Variants in RPL13A observed in about 807,000 individuals in gnomAD.
RPL13A encodes large ribosomal subunit protein uL13.
Under a neutral mutation model 30.8 loss-of-function variants are expected in RPL13A, and 4 were observed. That is an observed-to-expected ratio of 0.13 (90% CI 0.06 to 0.30). RPL13A has a LOEUF of 0.30. Among genes scored for constraint, RPL13A ranks in the 10% least tolerant of loss-of-function variants. The pLI, the probability that RPL13A is intolerant of heterozygous loss-of-function variation, is 1.00. For missense variants in RPL13A, 196 were observed against 272.6 expected (o/e 0.72, Z 1.98); for synonymous variants, 108 against 104.2 (o/e 1.04, Z -0.22).
At chr19:49,489,799 C>A (rs1435723407) in intron 1 of RPL13A, 51 bp from the exon 2 acceptor site, 7 of 1,402,212 alleles carry the variant, frequency 5.0e-6, no homozygotes, top group Non-Finnish European at 7.1e-6. Context: ...CTTGTGAGGA[C>A]AATCAAAGGC....
rs2079875649 is a variant in RPL13A, at chr19:49,491,934, G to A, written c.*119G>A. 1.3e-6 allele frequency: 1 copy of A among 758,670 alleles called. No homozygotes were observed. Among genetic ancestry groups the A allele is most frequent in the Non-Finnish European group, 2.2e-6 (1 of 459,504 alleles). 47.0% of individuals were successfully genotyped at this position (758,670 alleles called of 1,614,324 possible). On this transcript the variant is annotated 3_prime_UTR_variant, in exon 8 of 8. Transcript: ENST00000391857. ...GTGCCACAGGCAGCCCTGGGACATA[G>A]GAAGCTGGGAGCAAGGAAAGGGTCT...
At chr19:49,489,362 G>A (rs1168451638) in intron 1 of RPL13A, among the ~76,000 whole-genome samples, 3 of 152,066 alleles carry the variant, frequency 2.0e-5, no homozygotes, top group Non-Finnish European at 4.4e-5. Context: ...TTAGCTGCGT[G>A]TGGTGGTGCG....
At position 49,487,614 on chromosome 19, in the gene RPL13A, C is replaced by A; in HGVS notation, c.-16C>A. 1 of 1,576,276 alleles carries A rather than the reference C, an allele frequency of 6.3e-7. No individual in the cohort carries two copies. Among genetic ancestry groups the A allele is most frequent in the East Asian group, 2.3e-5 (1 of 42,850 alleles). The stretch of plus-strand genomic sequence containing the variant: ...CCTGCGACAAAACCTCCTCCTTTTC[C>A]AAGCGGCTGCCGAAGATGGCGGAGG... On this transcript the variant is annotated 5_prime_UTR_variant, in exon 1 of 8. Coordinates refer to ENST00000391857, the MANE Select transcript of RPL13A (RefSeq NM_012423.4).
rs748119006 is a variant in RPL13A, at chr19:49,491,529, G to T, written c.507G>T (p.Arg169=). The T allele has an allele frequency of 6.6e-7, 1 of 1,524,296 alleles. No individual in the cohort carries two copies. The highest frequency in any genetic ancestry group is 2.0e-5 in the Admixed American group (1 of 50,864). 94.4% of individuals were successfully genotyped at this position (1,524,296 alleles called of 1,614,324 possible). The change falls in exon 7 of 8, where the codon CGG becomes CGT. Residue 169 remains arginine (R), a synonymous_variant. Transcript: ENST00000391857. The part of the protein sequence containing the change: ...KRKEKAKIHY[R]KKKQLMRLRK... ...AAGAGAAAGCCAAGATCCACTACCG[G>T]AAGAAGAAACAGCTCATGGTGAGGC...
chr19:49,489,806 A>G (rs774570675), intron 1 of RPL13A, 44 bp from the exon 2 acceptor site: 38 of 1,450,632 alleles, frequency 2.6e-5, no homozygotes, highest in Non-Finnish European at 3.2e-5. Context: ...GGACAATCAA[A>G]GGCTGTCCTT....
At position 49,490,879 on chromosome 19, in the gene RPL13A, AC is replaced by A; in HGVS notation, c.342+19del. ...CCTACGACAAGGTGAGCTATGCCAA[AC>A]CCCACAGGCAGCGGCCTTACCTGTG... On this transcript the variant is annotated intron_variant, in intron 5 of 7. Coordinates refer to ENST00000391857, the MANE Select transcript of RPL13A (RefSeq NM_012423.4). 6.2e-7 allele frequency: 1 copy of A among 1,614,000 alleles called. No homozygotes were observed. The highest frequency in any genetic ancestry group is 8.5e-7 in the Non-Finnish European group (1 of 1,179,932).
At chr19:49,491,636 A>G in intron 7 of RPL13A, 89 bp downstream of exon 7, 2 of 1,566,132 alleles carry the variant, frequency 1.3e-6, no homozygotes, top group East Asian at 2.3e-5. Context: ...TTAACTGGCA[A>G]AGGACCAGCC....
intron 1 of RPL13A, among the ~76,000 whole-genome samples, chr19:49,489,110 C>T (rs2681568): frequency 6.6e-6 from 1 of 152,172 alleles, no homozygotes; most frequent in African/African-American, 2.4e-5. Flanking sequence ...ACTACTCTGC[C>T]TAATCTCATC....
chr19:49,489,006 A>G (rs2079837749), intron 1 of RPL13A, among the ~76,000 whole-genome samples: 1 of 152,232 alleles, frequency 6.6e-6, no homozygotes, highest in Non-Finnish European at 1.5e-5. Flanking sequence ...GTGCCCGGCC[A>G]GGATTTCTAC....
intron 2 of RPL13A, 83 bp from the exon 3 acceptor site, chr19:49,490,149 G>C: frequency 7.5e-7 from 1 of 1,332,084 alleles, no homozygotes; most frequent in East Asian, 2.3e-5. Flanking sequence ...GGCAAGTACT[G>C]CGCTGTGTCT....
chr19:49,491,402 A>AACCC, intron 6 of RPL13A, 23 bp from the exon 7 acceptor site: 32 of 236,630 alleles, frequency 1.4e-4, no homozygotes, highest in South Asian at 2.4e-4. Flanking sequence ...TCATTTGTTC[A>AACCC]CCCCCCCCCC....
chr19:49,490,817 C>G lies in RPL13A; in HGVS notation c.295C>G (p.Leu99Val). The change falls in exon 5 of 8, where the codon CTG (leucine) becomes GTG (valine). Residue 99 changes from leucine (L) to valine (V), a missense_variant. Transcript: ENST00000391857. ...CAAAACCAAGCGAGGCCAGGCCGCT[C>G]TGGACCGTCTCAAGGTGTTTGACGG... The part of the protein sequence containing the change: ...PHKTKRGQAA[L>V]DRLKVFDGIP... 1 of 1,614,166 alleles carries G rather than the reference C, an allele frequency of 6.2e-7. No homozygotes were observed.
chr19:49,490,587 C>T lies in RPL13A; in HGVS notation c.256+11C>T, dbSNP rs146316941. ...GGCGGACCGTGCGAGGTGAGCAGAG[C>T]GTGGGGACTGCAGGTGGTGACGGGC... On this transcript the variant is annotated intron_variant, in intron 4 of 7. Transcript: ENST00000391857. 4,777 of 1,613,490 alleles carry T rather than the reference C, an allele frequency of 3.0e-3. 11 individuals carry two copies. The highest frequency in any genetic ancestry group is 3.8e-3 in the Non-Finnish European group (4,451 of 1,179,420).
intron 1 of RPL13A, among the ~76,000 whole-genome samples, chr19:49,488,745 A>T (rs570100027): frequency 6.6e-6 from 1 of 152,178 alleles, no homozygotes; most frequent in African/African-American, 2.4e-5. Context: ...TCGCTGTGAC[A>T]CCCAGGCTGG....
At chr19:49,489,736 G>A in intron 1 of RPL13A, 114 bp from the exon 2 acceptor site, 1 of 844,238 alleles carries the variant, frequency 1.2e-6, no homozygotes, top group Admixed American at 1.7e-5. Flanking sequence ...AGCTCTGATG[G>A]CTGGGTGCAA....
intron 1 of RPL13A, among the ~76,000 whole-genome samples, chr19:49,488,958 G>A (rs1333360331): frequency 6.6e-6 from 1 of 150,954 alleles, no homozygotes; most frequent in Non-Finnish European, 1.5e-5. Flanking sequence ...TGCCCACCTA[G>A]GCCTCTCAAA....
At chr19:49,490,421 G>C in intron 3 of RPL13A, 54 bp from the exon 4 acceptor site, 1 of 1,600,578 alleles carries the variant, frequency 6.2e-7, no homozygotes, top group Non-Finnish European at 8.6e-7. Context: ...TTGGAAGTGG[G>C]GTTTTGGGGG....
intron 1 of RPL13A, among the ~76,000 whole-genome samples, 167 bp downstream of exon 1, chr19:49,487,811 C>T (rs371572597): frequency 6.6e-6 from 1 of 152,202 alleles, no homozygotes; most frequent in Non-Finnish European, 1.5e-5. Context: ...CCGCGGCTCT[C>T]TTTAGGCCTA....
At chr19:49,490,682 A>G (rs1432759722) in intron 4 of RPL13A, 97 bp from the exon 5 acceptor site, 7 of 1,566,474 alleles carry the variant, frequency 4.5e-6, no homozygotes, top group South Asian at 1.1e-5. Flanking sequence ...CTCCACATGC[A>G]CTACCATCTG....
Sources: allele counts gnomAD v4.1 joint callset (sites outside exome capture counted in the v4.1 genomes callset), GRCh38; gene constraint gnomAD v4.1.1; transcripts MANE v1.5; gene names NCBI Gene and HGNC (gene_info 2026-07-23, HGNC 2026-07-21).